Variants in PIBF1 observed in about 807,000 individuals in gnomAD.
PIBF1 encodes progesterone-induced-blocking factor 1.
A neutral mutation model predicts 112.5 loss-of-function variants in PIBF1; 90 were observed. The ratio of observed to expected loss-of-function variants is 0.80; its 90% confidence interval spans 0.67 to 0.95. The LOEUF (loss-of-function observed/expected upper bound fraction) is 0.95, where lower values mean the gene tolerates loss of function less well. PIBF1 is among the 40% of genes least tolerant of loss of function. The probability of loss-of-function intolerance (pLI) is 0.00; values close to 1 mark genes in which losing one functional copy is unlikely to be tolerated. For missense variants in PIBF1, 915 were observed against 852.3 expected (o/e 1.07, Z -0.92); for synonymous variants, 301 against 288.6 (o/e 1.04, Z -0.44).
At chr13:72,962,945 C>T (rs2042644521) in intron 14 of PIBF1, among the ~76,000 whole-genome samples, 1 of 152,156 alleles carries the variant, frequency 6.6e-6, no homozygotes, top group Non-Finnish European at 1.5e-5. Flanking sequence ...TAAAAACCCA[C>T]GGAATATTAA....
intron 16 of PIBF1, among the ~76,000 whole-genome samples, chr13:72,995,341 T>G (rs1309718422): frequency 6.6e-6 from 1 of 151,814 alleles, no homozygotes; most frequent in Non-Finnish European, 1.5e-5. Flanking sequence ...TTGTTTTCCC[T>G]TCAGCATGAT....
At chr13:72,986,795 A>G (rs1364195225) in intron 16 of PIBF1, among the ~76,000 whole-genome samples, 1 of 145,686 alleles carries the variant, frequency 6.9e-6, no homozygotes, top group Non-Finnish European at 1.5e-5. Flanking sequence ...GGTTCACGCC[A>G]TTCTCCTGCC....
chr13:72,908,787 G>A lies in PIBF1; in HGVS notation c.1639+106G>A, dbSNP rs1177688301. On this transcript the variant is annotated intron_variant, in intron 12 of 17. Coordinates refer to ENST00000326291, the MANE Select transcript of PIBF1 (RefSeq NM_006346.4). Reference sequence around the variant, plus strand: ...TTTGGGATCAGGCACGGTGGCTCATGCCTGTAATCTTAGCACTTTGGGCGG... The same window carrying A: ...TTTGGGATCAGGCACGGTGGCTCATACCTGTAATCTTAGCACTTTGGGCGG... 9 of 1,003,628 alleles carry A rather than the reference G, an allele frequency of 9.0e-6. No individual in the cohort carries two copies. The East Asian group carries it at 1.1e-4, about 12-fold the overall frequency. 62.2% of individuals were successfully genotyped at this position (1,003,628 alleles called of 1,614,324 possible). A position where few individuals can be genotyped will look rare whatever the true frequency, so the allele number is the denominator to read the frequency against.
intron 14 of PIBF1, among the ~76,000 whole-genome samples, chr13:72,933,137 T>G (rs989530135): frequency 1.4e-4 from 21 of 152,220 alleles, no homozygotes; most frequent in African/African-American, 4.1e-4. Flanking sequence ...ATATTGTAGA[T>G]CCCTCATGTT....
At chr13:72,985,556 A>G (rs1373977819) in intron 16 of PIBF1, among the ~76,000 whole-genome samples, 2 of 151,472 alleles carry the variant, frequency 1.3e-5, no homozygotes, top group Non-Finnish European at 2.9e-5. Flanking sequence ...AAAACAGAAA[A>G]AGAAAAAGAA....
intron 14 of PIBF1, among the ~76,000 whole-genome samples, chr13:72,944,705 T>G (rs1015304254): frequency 2.6e-5 from 4 of 152,120 alleles, no homozygotes; most frequent in Non-Finnish European, 5.9e-5. Context: ...TGTTCTTGTT[T>G]TTTAATTTCA....
At chr13:72,831,036 T>G (rs1440343073) in intron 8 of PIBF1, among the ~76,000 whole-genome samples, 9 of 152,168 alleles carry the variant, frequency 5.9e-5, no homozygotes. Flanking sequence ...TCTTTTAGAT[T>G]TTCTAGCTTA....
At chr13:72,877,753 CTT>C (rs569331110) in intron 10 of PIBF1, among the ~76,000 whole-genome samples, 10 of 139,926 alleles carry the variant, frequency 7.1e-5, no homozygotes, top group Admixed American at 7.2e-5. Context: ...CTTTTCTTTT[CTT>C]TTTTTTTTTT....
At chr13:72,893,519 T>C (rs529573877) in intron 10 of PIBF1, among the ~76,000 whole-genome samples, 99 of 152,238 alleles carry the variant, frequency 6.5e-4, no homozygotes, top group Non-Finnish European at 1.3e-3. Flanking sequence ...GCTCTTGCCA[T>C]TTACAAAATG....
intron 9 of PIBF1, among the ~76,000 whole-genome samples, chr13:72,849,136 G>GA (rs1237169091): frequency 6.6e-6 from 1 of 152,114 alleles, no homozygotes; most frequent in Non-Finnish European, 1.5e-5. Context: ...GGGTGAATGG[G>GA]AAAAATACAT....
intron 16 of PIBF1, chr13:72,974,199 A>G (rs2042965726): frequency 6.5e-6 from 1 of 152,808 alleles, no homozygotes; most frequent in Admixed American, 6.5e-5. Flanking sequence ...TTTTTCCTTT[A>G]AGGTTTATTG....
At chr13:72,809,062 TTTAC>T (rs1249007399) in intron 5 of PIBF1, among the ~76,000 whole-genome samples, 10 of 152,086 alleles carry the variant, frequency 6.6e-5, no homozygotes, top group South Asian at 2.1e-4. Flanking sequence ...GTCTTTCCGT[TTTAC>T]TTTATGGATC....
intron 10 of PIBF1, among the ~76,000 whole-genome samples, chr13:72,863,081 AATAC>A (rs2038765238): frequency 6.6e-6 from 1 of 152,218 alleles, no homozygotes; most frequent in African/African-American, 2.4e-5. Context: ...TTTATGAAGA[AATAC>A]ATGTTTTAAT....
chr13:72,844,728 T>TATACAC (rs2037757655), intron 9 of PIBF1, among the ~76,000 whole-genome samples: 1 of 53,164 alleles, frequency 1.9e-5, no homozygotes, highest in Non-Finnish European at 3.4e-5. Flanking sequence ...TAATTTTATT[T>TATACAC]ACACACACAC....
At chr13:72,961,177 G>C (rs180730417) in intron 14 of PIBF1, among the ~76,000 whole-genome samples, 109 of 151,816 alleles carry the variant, frequency 7.2e-4, no homozygotes, top group Non-Finnish European at 1.3e-3. Context: ...TCCTCTAACA[G>C]TTGGTCAGCC....
intron 9 of PIBF1, among the ~76,000 whole-genome samples, chr13:72,850,698 AT>A (rs2038102795): frequency 6.6e-6 from 1 of 152,236 alleles, no homozygotes. Context: ...ATTTGTGGTG[AT>A]TTACTGACTA....
chr13:72,832,004 C>T (rs902103778), intron 8 of PIBF1, among the ~76,000 whole-genome samples: 1 of 147,030 alleles, frequency 6.8e-6, no homozygotes, highest in African/African-American at 2.5e-5. Context: ...ATGTAATGCC[C>T]TTTATTCTCC....
chr13:72,990,473 A>G (rs151020801), intron 16 of PIBF1, among the ~76,000 whole-genome samples: 127 of 149,418 alleles, frequency 8.5e-4, no homozygotes, highest in African/African-American at 3.0e-3. Flanking sequence ...GTGAGCCAAG[A>G]TCGTGCCACT....
intron 6 of PIBF1, among the ~76,000 whole-genome samples, chr13:72,826,504 CT>C (rs2036819506): frequency 6.6e-6 from 1 of 152,112 alleles, no homozygotes; most frequent in African/African-American, 2.4e-5. Context: ...CTTGGTATAA[CT>C]TTTTTGGGGA....
Sources: gnomAD v4.1 joint callset for allele counts (sites outside exome capture counted in the v4.1 genomes callset) on GRCh38, gnomAD v4.1.1 for gene constraint, MANE v1.5 for transcripts, NCBI Gene and HGNC (gene_info 2026-07-23, HGNC 2026-07-21) for gene names.